The following PRKAR1B variants were observed in gnomAD, a reference collection of about 807,000 sequenced individuals.
PRKAR1B encodes the protein protein kinase cAMP-dependent type I regulatory subunit beta, also known as cAMP-dependent protein kinase type I-beta regulatory subunit.
PRKAR1B carries 22 observed loss-of-function variants against 46.5 expected under a neutral mutation model. The ratio of observed to expected loss-of-function variants is 0.47; its 90% CI spans 0.34 to 0.68. The LOEUF (loss-of-function observed/expected upper bound fraction) is 0.68, where lower values mean the gene tolerates loss of function less well. Among genes scored for constraint, PRKAR1B ranks in the 30% least tolerant of loss-of-function variants. The probability of loss-of-function intolerance (pLI) is 0.01; values close to 1 mark genes in which losing one functional copy is unlikely to be tolerated. For synonymous variants in PRKAR1B, 259 were observed against 217.7 expected (o/e 1.19, Z -1.67); for missense variants, 445 against 535.6 (o/e 0.83, Z 1.67).
chr7:715,742 G>A (rs1161769347), intron 1 of PRKAR1B, among the ~76,000 whole-genome samples: 1 of 151,576 alleles, frequency 6.6e-6, no homozygotes, highest in Non-Finnish European at 1.5e-5. Context: ...TTGAGACAGA[G>A]TCTCATTCTG....
At chr7:690,054 C>T (rs192308909) in intron 2 of PRKAR1B, among the ~76,000 whole-genome samples, 50 of 151,124 alleles carry the variant, frequency 3.3e-4, no homozygotes, top group Admixed American at 2.4e-3. Flanking sequence ...CCCAGCACTT[C>T]GGGAGGCCAA....
At chr7:576,107 A>C (rs1411441087) in intron 9 of PRKAR1B, among the ~76,000 whole-genome samples, 70 of 105,404 alleles carry the variant, frequency 6.6e-4, no homozygotes, top group African/African-American at 2.1e-3. Context: ...ACGCTGGCAT[A>C]GTCTCCTCTG....
rs1780801475 is a variant in PRKAR1B, at chr7:714,359, TCTG to T, written c.-22-2835_-22-2833del. On this transcript the variant is annotated intron_variant, in intron 1 of 10. Transcript: ENST00000537384. This position sits in a 1 kb window ranked among gnomAD's most constrained non-coding sequence, Gnocchi z 4.3. The stretch of plus-strand genomic sequence containing the variant: ...CCGAGGCGCACACACAAGCCCTCCT[TCTG>T]CTGCAATACCTCCTCAGGCTGAGCC... 6.6e-6 allele frequency among the ~76,000 whole-genome samples: 1 copy of T among 152,184 alleles called. No homozygotes were observed. The highest frequency in any genetic ancestry group is 1.5e-5 in the Non-Finnish European group (1 of 68,026).
At chr7:561,530 G>A (rs1455802431) in intron 9 of PRKAR1B, among the ~76,000 whole-genome samples, 1 of 152,202 alleles carries the variant, frequency 6.6e-6, no homozygotes, top group African/African-American at 2.4e-5. Context: ...GGCTCCGGGT[G>A]TCTTGGAGGT....
intron 4 of PRKAR1B, among the ~76,000 whole-genome samples, chr7:619,826 TTC>T (rs1188064915): frequency 1.3e-5 from 2 of 151,868 alleles, no homozygotes; most frequent in African/African-American, 4.8e-5. Context: ...CCTTTCCTTT[TTC>T]TTTCTGTTGT....
chr7:631,021 T>G (rs1024784957), intron 4 of PRKAR1B, among the ~76,000 whole-genome samples: 8 of 151,942 alleles, frequency 5.3e-5, no homozygotes, highest in Non-Finnish European at 8.8e-5. Context: ...GGCACAATCT[T>G]GGCTCACTGC....
chr7:564,868 C>A (rs1779037318), intron 9 of PRKAR1B, among the ~76,000 whole-genome samples: 1 of 152,214 alleles, frequency 6.6e-6, no homozygotes, highest in African/African-American at 2.4e-5. Flanking sequence ...CCCAACCTTG[C>A]ATCTGGGACG....
intron 4 of PRKAR1B, among the ~76,000 whole-genome samples, chr7:630,950 A>ATT (rs71652939): frequency 4.0e-4 from 55 of 137,306 alleles, no homozygotes; most frequent in East Asian, 8.6e-4. Context: ...GCTGATTCGG[A>ATT]TTTTTTTTTT....
rs1408382517 is a variant in PRKAR1B at position 599,883 on chromosome 7, C to T, written c.550-3579G>A. On this transcript the variant is annotated intron_variant, in intron 6 of 10. Coordinates refer to ENST00000537384, the MANE Select transcript of PRKAR1B (RefSeq NM_001164760.2). Reference sequence around the variant, plus strand: ...GGGGGAGGCACACGGGCAGGCCCCCCATTCACCTTCACTCGCTCACCCTCT... The same window carrying T: ...GGGGGAGGCACACGGGCAGGCCCCCTATTCACCTTCACTCGCTCACCCTCT... 1.4e-5 allele frequency among the ~76,000 whole-genome samples: 2 copies of T among 140,208 alleles called. 1 individual carries two copies. Among genetic ancestry groups the T allele is most frequent in the Admixed American group, 1.4e-4 (2 of 14,142 alleles). 92.0% of individuals were successfully genotyped at this position (140,208 alleles called of 152,430 possible). A position where few individuals can be genotyped will look rare whatever the true frequency, so the allele number is the denominator to read the frequency against.
At chr7:571,435 G>C (rs566073847) in intron 9 of PRKAR1B, among the ~76,000 whole-genome samples, 1 of 152,372 alleles carries the variant, frequency 6.6e-6, no homozygotes, top group Admixed American at 6.5e-5. Flanking sequence ...GCGGGGAGGA[G>C]GCGCGGGGCT....
At chr7:672,050 G>A (rs1355658342) in intron 4 of PRKAR1B, among the ~76,000 whole-genome samples, 9 of 152,180 alleles carry the variant, frequency 5.9e-5, no homozygotes, top group Non-Finnish European at 1.2e-4. Flanking sequence ...CATGAGGACA[G>A]CACCCGTTCC....
intron 4 of PRKAR1B, among the ~76,000 whole-genome samples, chr7:645,410 G>A (rs1293670207): frequency 6.6e-6 from 1 of 152,146 alleles, no homozygotes; most frequent in Non-Finnish European, 1.5e-5. Context: ...CAGCACTTTG[G>A]GAGGCCGAGG....
At chr7:646,589 T>G (rs939740597) in intron 4 of PRKAR1B, among the ~76,000 whole-genome samples, 8 of 152,202 alleles carry the variant, frequency 5.3e-5, no homozygotes, top group African/African-American at 1.9e-4. Context: ...GCGTGCAGAA[T>G]CATGGCTATT....
intron 6 of PRKAR1B, among the ~76,000 whole-genome samples, chr7:605,436 C>T (rs574731294): frequency 1.2e-4 from 19 of 152,210 alleles, no homozygotes; most frequent in Non-Finnish European, 2.1e-4. Flanking sequence ...CTAAACCGGA[C>T]GGCAGAAGAG....
intron 1 of PRKAR1B, among the ~76,000 whole-genome samples, chr7:713,378 G>C (rs116517458): frequency 0.017 from 2,581 of 151,522 alleles, 41 homozygotes; most frequent in East Asian, 0.1. Context: ...CCCGGGTCCT[G>C]CACTCACCTG....
At chr7:614,285 C>G (rs568711475) in intron 4 of PRKAR1B, among the ~76,000 whole-genome samples, 1 of 152,338 alleles carries the variant, frequency 6.6e-6, no homozygotes, top group East Asian at 1.9e-4. Flanking sequence ...ATTCAACCTG[C>G]CTCATCAGCT....
chr7:718,275 CACACACACACACACACACACAT>C (rs1438385921), intron 1 of PRKAR1B, among the ~76,000 whole-genome samples: 1 of 147,860 alleles, frequency 6.8e-6, no homozygotes, highest in Non-Finnish European at 1.5e-5. Context: ...CACACACACA[CACACACACACACACACACACAT>C]ACACATATAT....
intron 2 of PRKAR1B, among the ~76,000 whole-genome samples, chr7:695,030 CAA>C (rs924223625): frequency 2.8e-4 from 22 of 78,512 alleles, no homozygotes; most frequent in Admixed American, 2.9e-4. Flanking sequence ...GACTCCGTCT[CAA>C]AAAAAAAAAA....
intron 4 of PRKAR1B, among the ~76,000 whole-genome samples, chr7:658,720 A>G (rs1472676275): frequency 6.6e-6 from 1 of 152,044 alleles, no homozygotes; most frequent in African/African-American, 2.4e-5. Flanking sequence ...GTGCATTCTC[A>G]GCTCACTGCA....
Sources: allele counts gnomAD v4.1 joint callset (sites outside exome capture counted in the v4.1 genomes callset), GRCh38; gene constraint gnomAD v4.1.1; non-coding constraint Gnocchi (gnomAD v3.1); transcripts MANE v1.5; gene names NCBI Gene and HGNC (gene_info 2026-07-23, HGNC 2026-07-21).